COL8A1: variants seen among roughly 807,000 people sequenced by gnomAD.
The protein encoded by COL8A1 is collagen alpha-1(VIII) chain.
COL8A1 carries 21 observed loss-of-function variants against 42.7 expected under a neutral mutation model. The ratio of observed to expected loss-of-function variants is 0.49; its 90% confidence interval spans 0.35 to 0.71. COL8A1 has a LOEUF of 0.71. COL8A1 is among the 30% of genes least tolerant of loss of function. COL8A1 has a pLI of 0.01. For synonymous variants in COL8A1, 367 were observed against 369.1 expected (o/e 0.99, Z 0.06); for missense variants, 788 against 962.4 (o/e 0.82, Z 2.40).
At chr3:99,775,731 T>A (rs1941681831) in intron 2 of COL8A1, among the ~76,000 whole-genome samples, 1 of 152,182 alleles carries the variant, frequency 6.6e-6, no homozygotes, top group Admixed American at 6.6e-5. Flanking sequence ...CCTCCCAGAC[T>A]GTCCCAGGCC....
intron 1 of COL8A1, among the ~76,000 whole-genome samples, chr3:99,714,657 T>C (rs1327851885): frequency 6.6e-6 from 1 of 152,132 alleles, no homozygotes; most frequent in Non-Finnish European, 1.5e-5. Context: ...CCATCCATTC[T>C]TCATTCATTC....
chr3:99,734,548 T>C (rs1940638236), intron 1 of COL8A1, among the ~76,000 whole-genome samples: 1 of 152,058 alleles, frequency 6.6e-6, no homozygotes, highest in South Asian at 2.1e-4. Flanking sequence ...TTTTGGTTAC[T>C]GTAGCCTTGT....
intron 2 of COL8A1, among the ~76,000 whole-genome samples, chr3:99,750,466 T>C (rs984196373): frequency 6.6e-6 from 1 of 152,112 alleles, no homozygotes; most frequent in Admixed American, 6.6e-5. Context: ...GTATACTCTT[T>C]TGTAAATTTT....
intron 1 of COL8A1, among the ~76,000 whole-genome samples, chr3:99,666,667 G>A (rs1938376310): frequency 6.6e-6 from 1 of 152,184 alleles, no homozygotes; most frequent in Admixed American, 6.5e-5. Context: ...TCCACTTTCT[G>A]TTGAAATTTG....
chr3:99,646,767 G>A (rs1346765658), intron 1 of COL8A1, among the ~76,000 whole-genome samples: 1 of 151,976 alleles, frequency 6.6e-6, no homozygotes, highest in African/African-American at 2.4e-5. Flanking sequence ...AAGGGTAAGT[G>A]GAAAGTAAAA....
intron 2 of COL8A1, among the ~76,000 whole-genome samples, 157 bp from the exon 3 acceptor site, chr3:99,790,523 T>C (rs1455654872): frequency 1.6e-4 from 25 of 152,130 alleles, no homozygotes; most frequent in Non-Finnish European, 1.5e-5. Flanking sequence ...GTTTGTTTTC[T>C]ATAGAAAGTA....
intron 1 of COL8A1, among the ~76,000 whole-genome samples, chr3:99,644,416 A>T (rs374665475): frequency 8.5e-5 from 13 of 152,366 alleles, no homozygotes; most frequent in African/African-American, 3.1e-4. Flanking sequence ...ATTATTGGTA[A>T]CACATAAAGT....
At chr3:99,730,197 G>A (rs936521430) in intron 1 of COL8A1, among the ~76,000 whole-genome samples, 8 of 152,088 alleles carry the variant, frequency 5.3e-5, no homozygotes, top group African/African-American at 1.9e-4. Flanking sequence ...AGGATTAAAT[G>A]AGACTGTGCA....
At position 99,740,465 on chromosome 3, in the gene COL8A1, C is replaced by A. The variant is rs28463921; in HGVS notation, c.-128-4432C>A. Reference sequence around the variant, plus strand: ...GGCCTCATAAAACTTACCATCATGGCGGAATGGGAAGCAAACATGTCTTTC... The same window carrying A: ...GGCCTCATAAAACTTACCATCATGGAGGAATGGGAAGCAAACATGTCTTTC... On this transcript the variant is annotated intron_variant, in intron 1 of 3. Coordinates refer to ENST00000652472, the MANE Select transcript of COL8A1 (RefSeq NM_020351.4). 4.7e-3 allele frequency among the ~76,000 whole-genome samples: 722 copies of A among 152,216 alleles called. 5 individuals carry two copies. Among genetic ancestry groups the A allele is most frequent in the African/African-American group, 0.016 (679 of 41,522 alleles).
intron 1 of COL8A1, among the ~76,000 whole-genome samples, chr3:99,726,116 G>A (rs1283647311): frequency 4.6e-5 from 7 of 152,132 alleles, no homozygotes; most frequent in Non-Finnish European, 7.4e-5. Flanking sequence ...TCTAACTGGT[G>A]TGAGATGGTA....
chr3:99,666,049 TC>T (rs201097553), intron 1 of COL8A1, among the ~76,000 whole-genome samples: 1,962 of 152,158 alleles, frequency 0.013, 16 homozygotes, highest in South Asian at 0.034. Flanking sequence ...ATTCCAGGCT[TC>T]CAGCTGAAAT....
At chr3:99,678,788 T>A (rs1402963524) in intron 1 of COL8A1, 1 of 152,136 alleles carries the variant, frequency 6.6e-6, no homozygotes, top group Non-Finnish European at 1.5e-5. Flanking sequence ...GGAAAGATAG[T>A]AGTAAAATAG....
At chr3:99,720,061 G>A (rs78114915) in intron 1 of COL8A1, among the ~76,000 whole-genome samples, 5,349 of 152,184 alleles carry the variant, frequency 0.035, 173 homozygotes, top group East Asian at 0.16. Flanking sequence ...CTTTGTGGCA[G>A]TGGTCTCTAA....
At chr3:99,646,175 C>A (rs1311790171) in intron 1 of COL8A1, among the ~76,000 whole-genome samples, 1 of 152,078 alleles carries the variant, frequency 6.6e-6, no homozygotes, top group Non-Finnish European at 1.5e-5. Context: ...GAGACACTTG[C>A]ATAATTCAGA....
intron 1 of COL8A1, among the ~76,000 whole-genome samples, chr3:99,709,017 C>T (rs1265731476): frequency 1.3e-5 from 2 of 151,794 alleles, no homozygotes; most frequent in Non-Finnish European, 1.5e-5. Flanking sequence ...GACAAGCAGG[C>T]TTAACACCCC....
intron 2 of COL8A1, among the ~76,000 whole-genome samples, chr3:99,752,834 G>A (rs1452870108): frequency 6.6e-6 from 1 of 152,086 alleles, no homozygotes; most frequent in African/African-American, 2.4e-5. Context: ...TTAATTTCAT[G>A]AGTAGGTATC....
At chr3:99,734,824 C>T (rs1940651329) in intron 1 of COL8A1, among the ~76,000 whole-genome samples, 1 of 152,008 alleles carries the variant, frequency 6.6e-6, no homozygotes, top group Non-Finnish European at 1.5e-5. Flanking sequence ...CTTTTATTTC[C>T]TTGAGAAGTG....
chr3:99,687,476 A>G (rs1278789037), intron 1 of COL8A1, among the ~76,000 whole-genome samples: 1 of 152,164 alleles, frequency 6.6e-6, no homozygotes, highest in Non-Finnish European at 1.5e-5. Flanking sequence ...AGAGGAGTAG[A>G]TGAGAGAATT....
chr3:99,642,787 C>G (rs1391733790), intron 1 of COL8A1, among the ~76,000 whole-genome samples: 2 of 152,210 alleles, frequency 1.3e-5, no homozygotes, highest in East Asian at 3.8e-4. Context: ...AAAATTTCCT[C>G]ATACTTCTCT....
Sources: gnomAD v4.1 joint callset for allele counts (sites outside exome capture counted in the v4.1 genomes callset) on GRCh38, gnomAD v4.1.1 for gene constraint, MANE v1.5 for transcripts, NCBI Gene and HGNC (gene_info 2026-07-23, HGNC 2026-07-21) for gene names.